The following KALRN variants were observed in gnomAD, a reference collection of about 807,000 sequenced individuals.
The protein encoded by KALRN is kalirin RhoGEF kinase.
In KALRN, 70 loss-of-function variants were observed where a neutral mutation model predicts 353.7. That is an observed-to-expected ratio of 0.20 (90% CI 0.16 to 0.24). The LOEUF is 0.24. Among genes scored for constraint, KALRN ranks in the 10% least tolerant of loss-of-function variants. KALRN has a pLI of 1.00. For missense variants in KALRN, 2,791 were observed against 3,756.7 expected, an observed-to-expected ratio of 0.74 and a Z score of 6.72; for synonymous variants, 1,391 against 1,434.8, an observed-to-expected ratio of 0.97 and a Z score of 0.69.
intron 1 of KALRN, among the ~76,000 whole-genome samples, chr3:124,192,938 TA>T (rs2075082687): frequency 2.6e-5 from 4 of 152,258 alleles, no homozygotes; most frequent in African/African-American, 9.6e-5. Flanking sequence ...ATGAGTTAAC[TA>T]TTAAACTAGG....
intron 33 of KALRN, among the ~76,000 whole-genome samples, chr3:124,551,709 C>G (rs1289530485): frequency 6.6e-6 from 1 of 152,212 alleles, no homozygotes; most frequent in East Asian, 1.9e-4. Context: ...CTGAGGGACC[C>G]CATTCCCCAA....
At chr3:124,312,395 A>T (rs2078362168) in intron 6 of KALRN, among the ~76,000 whole-genome samples, 2 of 152,226 alleles carry the variant, frequency 1.3e-5, no homozygotes, top group Non-Finnish European at 2.9e-5. Context: ...TCCTGACCTC[A>T]GATGATCCAC....
At chr3:124,642,052 C>T (rs552591002) in intron 37 of KALRN, among the ~76,000 whole-genome samples, 39 of 152,192 alleles carry the variant, frequency 2.6e-4, no homozygotes, top group South Asian at 1.0e-3. Context: ...GAGGCCAAAG[C>T]GGGCAGATTG....
intron 1 of KALRN, among the ~76,000 whole-genome samples, chr3:124,116,816 T>C (rs781214502): frequency 1.2e-4 from 18 of 152,226 alleles, no homozygotes; most frequent in Non-Finnish European, 2.2e-4. Context: ...TATCACTCTT[T>C]CTCAAAATAT....
At chr3:124,462,057 G>A in intron 24 of KALRN, 101 bp downstream of exon 24, 1 of 813,786 alleles carries the variant, frequency 1.2e-6, no homozygotes, top group Admixed American at 2.1e-5. Flanking sequence ...TCTTCTCCCA[G>A]AGAGTAATGA....
intron 5 of KALRN, among the ~76,000 whole-genome samples, chr3:124,297,244 A>C (rs985094161): frequency 4.6e-5 from 7 of 152,258 alleles, no homozygotes; most frequent in Non-Finnish European, 1.0e-4. Flanking sequence ...CTGGCTCCAG[A>C]GAGCTGGTGC....
At chr3:124,530,242 A>C (rs959181786) in intron 33 of KALRN, among the ~76,000 whole-genome samples, 1 of 152,202 alleles carries the variant, frequency 6.6e-6, no homozygotes, top group Non-Finnish European at 1.5e-5. Context: ...TCCATTTGGG[A>C]GAGAGAAAAT....
chr3:124,169,891 G>C (rs866858244), intron 1 of KALRN, among the ~76,000 whole-genome samples: 1 of 152,120 alleles, frequency 6.6e-6, no homozygotes, highest in African/African-American at 2.4e-5. Context: ...ATTTTTCCAC[G>C]AAGGAAACTA....
intron 50 of KALRN, 89 bp downstream of exon 50, chr3:124,678,402 A>ATT (rs35286809): frequency 1.1e-4 from 132 of 1,190,218 alleles, no homozygotes; most frequent in South Asian, 2.5e-4. Context: ...TGGATGGGTT[A>ATT]TTTTTTTTTT....
chr3:124,601,179 T>C (rs2076765477), intron 34 of KALRN, among the ~76,000 whole-genome samples: 1 of 152,210 alleles, frequency 6.6e-6, no homozygotes, highest in South Asian at 2.1e-4. Flanking sequence ...CAGGCATCTA[T>C]CCCTGAGGGT....
intron 34 of KALRN, among the ~76,000 whole-genome samples, chr3:124,620,393 C>A (rs1333783929): frequency 6.6e-6 from 1 of 152,156 alleles, no homozygotes; most frequent in South Asian, 2.1e-4. Flanking sequence ...CATGAGCCAC[C>A]ACTCCCGGCC....
At chr3:124,243,857 G>C (rs1050091011) in intron 3 of KALRN, among the ~76,000 whole-genome samples, 4 of 152,212 alleles carry the variant, frequency 2.6e-5, no homozygotes, top group African/African-American at 9.6e-5. Context: ...GCTCACAGAA[G>C]GGGCTGACAA....
rs573014538 is a variant in KALRN, at chr3:124,117,320, GT to G, written c.73+83519del. ...TTCTTTTATGGAAAAGAAAAACAGT[GT>G]TTTTTTTTTTTCCCTTGAACATTCT... On this transcript the variant is annotated intron_variant, in intron 1 of 59. Coordinates refer to ENST00000682506, the MANE Select transcript of KALRN (RefSeq NM_001388419.1). Among the ~76,000 whole-genome samples the G allele has an allele frequency of 1.7e-3, 243 of 143,720 alleles. No individual in the cohort carries two copies. In the Middle Eastern group the frequency reaches 0.023, roughly 13 times the overall value. 94.3% of individuals were successfully genotyped at this position (143,720 alleles called of 152,430 possible).
At chr3:124,167,540 A>G (rs1045760427) in intron 1 of KALRN, among the ~76,000 whole-genome samples, 6 of 152,344 alleles carry the variant, frequency 3.9e-5, no homozygotes, top group East Asian at 1.9e-4. Flanking sequence ...CTCAGTCTGT[A>G]AGAGTTTGTA....
chr3:124,662,119 A>G (rs1050308851), intron 45 of KALRN, among the ~76,000 whole-genome samples, 191 bp downstream of exon 45: 1 of 149,080 alleles, frequency 6.7e-6, no homozygotes, highest in African/African-American at 2.5e-5. Flanking sequence ...AGCAGTAGGG[A>G]GGTCATAAGA....
intron 39 of KALRN, among the ~76,000 whole-genome samples, chr3:124,656,381 C>T (rs960671531): frequency 1.8e-4 from 27 of 152,220 alleles, no homozygotes; most frequent in Admixed American, 6.5e-4. Context: ...GAGGCTGAGA[C>T]GGGTGGATCA....
At chr3:124,166,893 A>G (rs1268601206) in intron 1 of KALRN, among the ~76,000 whole-genome samples, 1 of 151,940 alleles carries the variant, frequency 6.6e-6, no homozygotes, top group Non-Finnish European at 1.5e-5. Flanking sequence ...AAAAAATACA[A>G]AATTAGCCAG....
At chr3:124,286,802 A>G (rs2075956760) in intron 5 of KALRN, among the ~76,000 whole-genome samples, 2 of 152,036 alleles carry the variant, frequency 1.3e-5, no homozygotes. Context: ...TTGTCTGCTA[A>G]TTCATATCTG....
chr3:124,492,927 C>G (rs1259710579), intron 32 of KALRN, 45 bp downstream of exon 32: 2 of 1,598,802 alleles, frequency 1.3e-6, no homozygotes, highest in Admixed American at 3.4e-5. Flanking sequence ...TCACAGGCTT[C>G]CGGGTGCGGG....
Sources: gnomAD v4.1 joint callset for allele counts (sites outside exome capture counted in the v4.1 genomes callset) on GRCh38, gnomAD v4.1.1 for gene constraint, MANE v1.5 for transcripts, NCBI Gene and HGNC (gene_info 2026-07-23, HGNC 2026-07-21) for gene names.